The following MCPH1 variants were observed in gnomAD, a reference collection of about 807,000 sequenced individuals.
MCPH1 encodes microcephalin.
A neutral mutation model predicts 84.5 loss-of-function variants in MCPH1; 104 were observed. The ratio of observed to expected loss-of-function variants is 1.23; its 90% CI spans 1.05 to 1.45. The LOEUF is 1.45. Ranked by LOEUF, MCPH1 falls within the 40% of genes most tolerant of loss-of-function variation. The probability of loss-of-function intolerance (pLI) is 0.00; values close to 1 mark genes in which losing one functional copy is unlikely to be tolerated. For synonymous variants in MCPH1, 514 were observed against 366.8 expected (o/e 1.40, Z -4.58); for missense variants, 1,498 against 1,005.7 (o/e 1.49, Z -6.62).
At chr8:6,609,018 G>A (rs1292103179) in intron 12 of MCPH1, among the ~76,000 whole-genome samples, 5 of 152,284 alleles carry the variant, frequency 3.3e-5, no homozygotes, top group Non-Finnish European at 5.9e-5. Context: ...GTTGCTGGGG[G>A]TGGCCCTGCC....
chr8:6,459,976 G>T (rs1563240325), intron 9 of MCPH1, among the ~76,000 whole-genome samples: 3 of 152,220 alleles, frequency 2.0e-5, no homozygotes, highest in Non-Finnish European at 4.4e-5. Flanking sequence ...TTCAGCCACG[G>T]CCACGGGCTC....
intron 12 of MCPH1, among the ~76,000 whole-genome samples, chr8:6,560,110 C>T (rs974184977): frequency 7.9e-5 from 12 of 152,164 alleles, no homozygotes; most frequent in Non-Finnish European, 1.6e-4. Context: ...GTCTTAGTTT[C>T]CTTCCTGACA....
chr8:6,450,382 C>G (rs187975792), intron 8 of MCPH1, among the ~76,000 whole-genome samples: 2 of 151,862 alleles, frequency 1.3e-5, no homozygotes, highest in South Asian at 2.1e-4. Flanking sequence ...AGACAACATT[C>G]TATGGGCAAG....
chr8:6,500,196 G>GA, intron 12 of MCPH1: 1 of 448,116 alleles, frequency 2.2e-6, no homozygotes, highest in Non-Finnish European at 4.1e-6. Context: ...AAACAAAAAT[G>GA]AAAAAAGACT....
intron 12 of MCPH1, among the ~76,000 whole-genome samples, chr8:6,567,946 G>C (rs1826338295): frequency 1.3e-5 from 2 of 152,202 alleles, no homozygotes; most frequent in South Asian, 2.1e-4. Context: ...CTGAACAGCT[G>C]TGCATAGTGC....
intron 12 of MCPH1, among the ~76,000 whole-genome samples, chr8:6,597,699 C>T (rs1348145956): frequency 1.3e-5 from 2 of 152,130 alleles, no homozygotes; most frequent in South Asian, 2.1e-4. Flanking sequence ...CTAATTTCTT[C>T]GTCTCTGGGA....
At chr8:6,425,067 C>T (rs762385028) in intron 3 of MCPH1, among the ~76,000 whole-genome samples, 2 of 152,208 alleles carry the variant, frequency 1.3e-5, no homozygotes, top group East Asian at 1.9e-4. Context: ...GTGAAGGCAT[C>T]GTCCTAAGGG....
intron 12 of MCPH1, among the ~76,000 whole-genome samples, chr8:6,572,983 C>T (rs538014283): frequency 6.6e-6 from 1 of 152,272 alleles, no homozygotes; most frequent in East Asian, 1.9e-4. Context: ...TGAAGAAAGA[C>T]CAAAACTGAG....
chr8:6,596,046 GT>G (rs1828901983), intron 12 of MCPH1, among the ~76,000 whole-genome samples: 1 of 152,182 alleles, frequency 6.6e-6, no homozygotes, highest in Non-Finnish European at 1.5e-5. Context: ...AAAAAAGTAT[GT>G]TTCTGTGTCC....
intron 12 of MCPH1, among the ~76,000 whole-genome samples, chr8:6,515,572 C>T (rs1423524976): frequency 1.3e-5 from 2 of 152,224 alleles, no homozygotes. Context: ...TAAGCGCATG[C>T]ATGCTCAATT....
Position 6,622,535 on chromosome 8 carries a change from G to A in MCPH1, c.2452+844G>A, listed in dbSNP as rs566995622. 2.0e-5 allele frequency among the ~76,000 whole-genome samples: 3 copies of A among 152,362 alleles called. No individual in the cohort carries two copies. In the East Asian group the frequency reaches 5.8e-4, roughly 29 times the overall value. On this transcript the variant is annotated intron_variant, in intron 13 of 13. Coordinates refer to ENST00000344683, the MANE Select transcript of MCPH1 (RefSeq NM_024596.5). The stretch of plus-strand genomic sequence containing the variant: ...GAAATCCCACACCCTCCTCCATGGG[G>A]TTGTGATAAACATGTTAGTTTGCTT...
At chr8:6,627,178 G>C in intron 13 of MCPH1, 1 of 985,366 alleles carries the variant, frequency 1.0e-6, no homozygotes, top group Non-Finnish European at 1.2e-6. Flanking sequence ...CTCCCATGGG[G>C]CCACTCGGGA....
intron 12 of MCPH1, among the ~76,000 whole-genome samples, chr8:6,510,874 C>T (rs955451426): frequency 6.6e-6 from 1 of 152,208 alleles, no homozygotes; most frequent in Non-Finnish European, 1.5e-5. Flanking sequence ...ACATGTGAGT[C>T]TCAGTATTTT....
At chr8:6,616,632 G>A (rs934861637) in intron 12 of MCPH1, 1 of 152,396 alleles carries the variant, frequency 6.6e-6, no homozygotes, top group Admixed American at 6.5e-5. Context: ...GCTCATGGCA[G>A]AGAAAGCCTT....
chr8:6,438,038 A>G (rs1802935920), intron 5 of MCPH1, among the ~76,000 whole-genome samples: 1 of 152,318 alleles, frequency 6.6e-6, no homozygotes, highest in South Asian at 2.1e-4. Flanking sequence ...TGTATTTAAC[A>G]TATCCTCCAA....
At chr8:6,462,220 C>G (rs549713049) in intron 9 of MCPH1, among the ~76,000 whole-genome samples, 13 of 152,306 alleles carry the variant, frequency 8.5e-5, no homozygotes, top group African/African-American at 3.1e-4. Context: ...CTGAAAGTTT[C>G]TCAAATAGGG....
At chr8:6,431,381 C>CT (rs1801810363) in intron 3 of MCPH1, 118 bp from the exon 4 acceptor site, 9 of 743,940 alleles carry the variant, frequency 1.2e-5, no homozygotes, top group Non-Finnish European at 1.6e-5. Flanking sequence ...TTTTAAAAGT[C>CT]TGTTAAAATG....
intron 4 of MCPH1, 22 bp downstream of exon 4, chr8:6,431,608 A>G (rs762876285): frequency 7.0e-7 from 1 of 1,435,756 alleles, no homozygotes; most frequent in Admixed American, 1.8e-5. Context: ...ATTTCAATGT[A>G]GATAATGGCA....
chr8:6,599,536 A>G (rs1586754640), intron 12 of MCPH1, among the ~76,000 whole-genome samples: 2 of 152,358 alleles, frequency 1.3e-5, no homozygotes, highest in South Asian at 2.1e-4. Context: ...ACCTGAAATT[A>G]TAGGAACAGG....
Sources: gnomAD v4.1 joint callset for allele counts (sites outside exome capture counted in the v4.1 genomes callset) on GRCh38, gnomAD v4.1.1 for gene constraint, MANE v1.5 for transcripts, NCBI Gene and HGNC (gene_info 2026-07-23, HGNC 2026-07-21) for gene names.